Variants in SUGCT observed in about 807,000 individuals in gnomAD.
The protein encoded by SUGCT is succinyl-CoA:glutarate-CoA transferase, also known as succinyl-CoA:glutarate CoA-transferase.
SUGCT carries 41 observed loss-of-function variants against 55.0 expected under a neutral mutation model. The observed-to-expected ratio is 0.74, with a 90% CI of 0.58 to 0.97. The LOEUF (loss-of-function observed/expected upper bound fraction) is 0.97, where lower values mean the gene tolerates loss of function less well. Ranked by LOEUF, SUGCT falls within the 50% of genes least tolerant of loss-of-function variation. The pLI is 0.00. For synonymous variants in SUGCT, 187 were observed against 200.4 expected (o/e 0.93, Z 0.56); for missense variants, 568 against 547.8 (o/e 1.04, Z -0.37).
At chr7:40,719,196 T>C (rs993844755) in intron 12 of SUGCT, among the ~76,000 whole-genome samples, 2 of 152,240 alleles carry the variant, frequency 1.3e-5, no homozygotes, top group African/African-American at 4.8e-5. Flanking sequence ...TGCTTTCTGG[T>C]ATATAGGCCT....
At chr7:40,187,509 C>T (rs940561657) in intron 3 of SUGCT, among the ~76,000 whole-genome samples, 3 of 152,128 alleles carry the variant, frequency 2.0e-5, no homozygotes, top group Non-Finnish European at 2.9e-5. Flanking sequence ...AGTTTATGTC[C>T]TTTAACCATA....
At chr7:40,334,247 T>A (rs1796541450) in intron 9 of SUGCT, among the ~76,000 whole-genome samples, 1 of 152,170 alleles carries the variant, frequency 6.6e-6, no homozygotes, top group African/African-American at 2.4e-5. Context: ...ATGATTTATA[T>A]TCCTTTGGGT....
At chr7:40,710,802 C>T (rs923591400) in intron 12 of SUGCT, among the ~76,000 whole-genome samples, 2 of 152,094 alleles carry the variant, frequency 1.3e-5, no homozygotes, top group African/African-American at 4.8e-5. Context: ...TATTTTTTCC[C>T]ATGGGATCTT....
the SUGCT span, among the ~76,000 whole-genome samples, chr7:40,883,774 A>G: frequency 3.9e-5 from 6 of 152,318 alleles, no homozygotes; most frequent in South Asian, 2.1e-4. Context: ...GTGTTTTACT[A>G]TAAGTATAAG....
intron 12 of SUGCT, chr7:40,499,095 A>T (rs1208037816): frequency 1.1e-5 from 5 of 456,686 alleles, no homozygotes; most frequent in African/African-American, 6.0e-5. Context: ...TTCTGTTCAG[A>T]TGTGGGAACG....
chr7:40,338,848 C>G (rs957081465), intron 9 of SUGCT, among the ~76,000 whole-genome samples: 12 of 152,158 alleles, frequency 7.9e-5, no homozygotes, highest in African/African-American at 2.7e-4. Flanking sequence ...TTCAGTTTTT[C>G]TGCCCTGTTT....
intron 7 of SUGCT, among the ~76,000 whole-genome samples, chr7:40,272,288 C>T (rs145957114): frequency 0.017 from 2,451 of 147,930 alleles, 46 homozygotes; most frequent in Middle Eastern, 0.049. Flanking sequence ...GTGATCTTTG[C>T]ACCTCAGACT....
intron 12 of SUGCT, among the ~76,000 whole-genome samples, chr7:40,643,084 T>C (rs1296842513): frequency 6.6e-6 from 1 of 152,204 alleles, no homozygotes; most frequent in African/African-American, 2.4e-5. Context: ...CAAAGATCTG[T>C]ATTACTGGCA....
At chr7:40,785,842 C>T (rs1191043465) in intron 13 of SUGCT, among the ~76,000 whole-genome samples, 1 of 152,144 alleles carries the variant, frequency 6.6e-6, no homozygotes, top group East Asian at 1.9e-4. Flanking sequence ...AATCCCAGCA[C>T]TTTGGAAGGC....
rs1004667949 is a variant in SUGCT at position 40,740,976 on chromosome 7, T to TA, written c.1090-8452dup. On this transcript the variant is annotated intron_variant, in intron 12 of 13. Coordinates refer to ENST00000335693, the MANE Select transcript of SUGCT (RefSeq NM_001193313.2). ...ATGAAGAATTCATATCCAGAATATG[T>TA]AAAAAACTCATACATGATAGCATCC... Among the ~76,000 whole-genome samples, 8 of 152,186 alleles carry TA rather than the reference T, an allele frequency of 5.3e-5. No individual in the cohort carries two copies. In the East Asian group the frequency reaches 1.2e-3, roughly 22 times the overall value.
chr7:40,285,492 C>T (rs7782283), intron 8 of SUGCT, among the ~76,000 whole-genome samples: 47 of 123,166 alleles, frequency 3.8e-4, no homozygotes, highest in African/African-American at 7.0e-4. Flanking sequence ...TTTCTTTTTT[C>T]GGGGGGGGGC....
chr7:40,297,234 G>A (rs757730548), intron 8 of SUGCT, among the ~76,000 whole-genome samples: 82 of 151,996 alleles, frequency 5.4e-4, no homozygotes, highest in Non-Finnish European at 8.1e-4. Context: ...ATTGGTTGCA[G>A]CAAAGCCTGA....
chr7:40,683,923 T>C (rs1215966937), intron 12 of SUGCT: 1 of 1,299,220 alleles, frequency 7.7e-7, no homozygotes, highest in Non-Finnish European at 1.0e-6. Flanking sequence ...AAAATCAAGG[T>C]GCTGGCAGAT....
intron 12 of SUGCT, among the ~76,000 whole-genome samples, chr7:40,612,872 C>A (rs1413173575): frequency 6.6e-6 from 1 of 152,076 alleles, no homozygotes; most frequent in South Asian, 2.1e-4. Context: ...GTGGCTCATG[C>A]CTGTAATCCC....
At chr7:40,898,697 T>A in the SUGCT span, among the ~76,000 whole-genome samples, 4 of 144,520 alleles carry the variant, frequency 2.8e-5, no homozygotes, top group East Asian at 2.0e-4. Context: ...AGACTCCGTC[T>A]AAAAAAAAAA....
chr7:40,683,978 C>T (rs1784360405), intron 12 of SUGCT: 8 of 1,578,490 alleles, frequency 5.1e-6, no homozygotes, highest in South Asian at 1.2e-5. Context: ...TTTCCTTGAT[C>T]ATGTGTGTTA....
At chr7:40,351,691 C>T (rs1490296731) in intron 9 of SUGCT, among the ~76,000 whole-genome samples, 2 of 152,190 alleles carry the variant, frequency 1.3e-5, no homozygotes, top group Non-Finnish European at 2.9e-5. Context: ...GACTAGCTGA[C>T]ATCACATTTA....
chr7:40,906,397 G>T, the SUGCT span, among the ~76,000 whole-genome samples: 1 of 152,116 alleles, frequency 6.6e-6, no homozygotes, highest in East Asian at 1.9e-4. Context: ...TTTAATTATG[G>T]ATCCCAAACT....
intron 12 of SUGCT, among the ~76,000 whole-genome samples, chr7:40,658,060 G>A (rs181266383): frequency 3.9e-5 from 6 of 152,104 alleles, no homozygotes; most frequent in Non-Finnish European, 1.5e-5. Flanking sequence ...AACAACTTAG[G>A]TGAAAGGGAA....
Sources: gnomAD v4.1 joint callset for allele counts (sites outside exome capture counted in the v4.1 genomes callset) on GRCh38, gnomAD v4.1.1 for gene constraint, MANE v1.5 for transcripts, NCBI Gene and HGNC (gene_info 2026-07-23, HGNC 2026-07-21) for gene names.